Variants in BAZ1A observed in about 807,000 individuals in gnomAD.
BAZ1A encodes bromodomain adjacent to zinc finger domain protein 1A.
A neutral mutation model predicts 185.2 loss-of-function variants in BAZ1A; 50 were observed. The observed-to-expected ratio is 0.27, with a 90% CI of 0.22 to 0.34. The LOEUF (loss-of-function observed/expected upper bound fraction) is 0.34. Ranked by LOEUF, BAZ1A falls within the 10% of genes least tolerant of loss-of-function variation. The pLI is 1.00. For synonymous variants in BAZ1A, 571 were observed against 615.6 expected, an observed-to-expected ratio of 0.93 and a Z score of 1.07; for missense variants, 1,356 against 1,839.9, an observed-to-expected ratio of 0.74 and a Z score of 4.81.
intron 12 of BAZ1A, among the ~76,000 whole-genome samples, chr14:34,786,947 A>G (rs1431773938): frequency 1.3e-5 from 2 of 152,118 alleles, no homozygotes; most frequent in Non-Finnish European, 2.9e-5. Flanking sequence ...AACAAAGTAT[A>G]GGTTGTAGCC....
chr14:34,806,507 G>A (rs1185820434), intron 6 of BAZ1A, among the ~76,000 whole-genome samples: 1 of 152,084 alleles, frequency 6.6e-6, no homozygotes, highest in Non-Finnish European at 1.5e-5. Context: ...AGCCTTCGGA[G>A]TAGCTGGGAC....
intron 3 of BAZ1A, among the ~76,000 whole-genome samples, chr14:34,858,681 A>G (rs2042722127): frequency 6.6e-6 from 1 of 152,130 alleles, no homozygotes; most frequent in Non-Finnish European, 1.5e-5. Flanking sequence ...GGCAAAAAAT[A>G]AATAAATTTT....
intron 3 of BAZ1A, among the ~76,000 whole-genome samples, chr14:34,845,021 T>C (rs1445772599): frequency 1.3e-5 from 2 of 152,140 alleles, no homozygotes; most frequent in East Asian, 1.9e-4. Context: ...TGCATTATAA[T>C]AGCAGAGTTG....
At chr14:34,862,906 C>A (rs1188298205) in intron 2 of BAZ1A, among the ~76,000 whole-genome samples, 3 of 151,496 alleles carry the variant, frequency 2.0e-5, no homozygotes, top group African/African-American at 7.3e-5. Context: ...ACTGGGGAAC[C>A]ATTCTATTCA....
chr14:34,868,675 C>A (rs1660145672), intron 2 of BAZ1A, among the ~76,000 whole-genome samples: 1 of 151,906 alleles, frequency 6.6e-6, no homozygotes, highest in African/African-American at 2.4e-5. Flanking sequence ...GTGTCAGGAG[C>A]CTGTAATCCT....
chr14:34,758,371 G>A (rs536047256), intron 25 of BAZ1A, among the ~76,000 whole-genome samples: 44 of 151,912 alleles, frequency 2.9e-4, no homozygotes, highest in African/African-American at 1.0e-3. Flanking sequence ...CACAAGGTCA[G>A]GAGATTGAGA....
chr14:34,838,740 G>A (rs1195672758), intron 3 of BAZ1A, among the ~76,000 whole-genome samples: 2 of 152,050 alleles, frequency 1.3e-5, no homozygotes, highest in Non-Finnish European at 2.9e-5. Flanking sequence ...AACCAGGCTG[G>A]TCTTGAACTC....
Position 34,764,718 on chromosome 14 carries a change from C to G in BAZ1A, c.3765G>C (p.Glu1255Asp). The change falls in exon 23 of 27, where the codon GAG becomes GAC. Residue 1255 changes from glutamate to aspartate, a missense_variant. By Grantham distance (45) the Glu-to-Asp change is conservative. Around this residue, in one of 7 missense-constraint regions of BAZ1A, gnomAD observed 309 missense variants for 355.3 expected, o/e 0.87. Coordinates refer to ENST00000360310, the MANE Select transcript of BAZ1A (RefSeq NM_013448.3). The part of the protein sequence containing the change: ...VEQDEDDSQE[E>D]EEVSLPKRGR... ...ATGTTAGGACTTACCTGACTTCTTC[C>G]TCTTCTTGAGAGTCATCTTCATCTT... 1 of 1,607,820 alleles carries G rather than the reference C, an allele frequency of 6.2e-7. No homozygotes were observed. The highest frequency in any genetic ancestry group is 1.3e-5 in the African/African-American group (1 of 74,916).
chr14:34,873,114 T>C (rs1217399087), intron 2 of BAZ1A, among the ~76,000 whole-genome samples: 55 of 152,266 alleles, frequency 3.6e-4, no homozygotes, highest in Non-Finnish European at 7.4e-5. Flanking sequence ...TAACCCTTTC[T>C]GTGGAGCTGA....
chr14:34,810,202 T>C (rs1450637170), intron 5 of BAZ1A, among the ~76,000 whole-genome samples: 1 of 152,134 alleles, frequency 6.6e-6, no homozygotes, highest in Non-Finnish European at 1.5e-5. Flanking sequence ...GACTCCTAGG[T>C]GGCAGGTTGA....
At chr14:34,816,738 T>C (rs1017102754) in intron 4 of BAZ1A, 1 of 364,398 alleles carries the variant, frequency 2.7e-6, no homozygotes, top group Non-Finnish European at 5.6e-6. Context: ...ATCTGGCTAC[T>C]AAAATCAGAT....
intron 5 of BAZ1A, among the ~76,000 whole-genome samples, chr14:34,808,339 C>T (rs1053760890): frequency 3.3e-5 from 5 of 151,000 alleles, no homozygotes; most frequent in South Asian, 2.1e-4. Context: ...ACTAAAAATA[C>T]AAAAAAAATT....
chr14:34,872,941 A>AAAAAAAAAAAAAAAAAAAAAAAAC (rs1555346584), intron 2 of BAZ1A, among the ~76,000 whole-genome samples: 3 of 122,620 alleles, frequency 2.4e-5, no homozygotes, highest in African/African-American at 9.8e-5. Flanking sequence ...AAAAAAAAAA[A>AAAAAAAAAAAAAAAAAAAAAAAAC]CTTGTCCAAT....
At chr14:34,810,708 G>C (rs1452888558) in intron 5 of BAZ1A, among the ~76,000 whole-genome samples, 1 of 151,840 alleles carries the variant, frequency 6.6e-6, no homozygotes, top group African/African-American at 2.4e-5. Flanking sequence ...GATCCTCCTG[G>C]CTTGGCCTGT....
rs1480501397 is a variant in BAZ1A, at chr14:34,780,168, A to T, written c.2236+18T>A. ...AAAACAAATACACAAGAATGCCCTA[A>T]AGAAATTTCAGTATTACCCCTTCTG... On this transcript the variant is annotated intron_variant, in intron 17 of 26. Coordinates refer to ENST00000360310, the MANE Select transcript of BAZ1A (RefSeq NM_013448.3). The T allele has an allele frequency of 6.2e-7, 1 of 1,611,818 alleles. No individual in the cohort carries two copies. The highest frequency in any genetic ancestry group is 1.3e-5 in the African/African-American group (1 of 74,832).
chr14:34,832,189 T>TACACACACAC (rs1279966806), intron 3 of BAZ1A, among the ~76,000 whole-genome samples: 1 of 65,946 alleles, frequency 1.5e-5, no homozygotes, highest in African/African-American at 5.1e-5. Context: ...CATATATACA[T>TACACACACAC]ATACACACAC....
intron 12 of BAZ1A, among the ~76,000 whole-genome samples, chr14:34,788,080 G>A (rs1027527029): frequency 8.6e-5 from 13 of 151,464 alleles, no homozygotes; most frequent in Admixed American, 2.6e-4. Flanking sequence ...GTGCAGTGGC[G>A]CAGTCTTGGC....
intron 16 of BAZ1A, among the ~76,000 whole-genome samples, chr14:34,781,161 A>G (rs182978312): frequency 1.6e-4 from 25 of 152,374 alleles, no homozygotes; most frequent in Admixed American, 1.3e-3. Context: ...GTTCTAATGT[A>G]AGGACAGCCA....
intron 21 of BAZ1A, among the ~76,000 whole-genome samples, chr14:34,769,071 G>A (rs1383677747): frequency 6.6e-6 from 1 of 151,952 alleles, no homozygotes; most frequent in Non-Finnish European, 1.5e-5. Context: ...AGCTAAATTG[G>A]GAAAATGCCT....
Sources: allele counts gnomAD v4.1 joint callset (sites outside exome capture counted in the v4.1 genomes callset), GRCh38; gene constraint gnomAD v4.1.1; regional missense constraint gnomAD v4.1.1; transcripts MANE v1.5; gene names NCBI Gene and HGNC (gene_info 2026-07-23, HGNC 2026-07-21).